SVEP1: variants seen among roughly 807,000 people sequenced by gnomAD.
The protein encoded by SVEP1 is sushi, von Willebrand factor type A, EGF and pentraxin domain containing 1.
Under a neutral mutation model 367.3 loss-of-function variants are expected in SVEP1, and 164 were observed. The ratio of observed to expected loss-of-function variants is 0.45; its 90% CI spans 0.39 to 0.51. SVEP1 has a LOEUF of 0.51. Among genes scored for constraint, SVEP1 ranks in the 20% least tolerant of loss-of-function variants. SVEP1 has a pLI of 0.00. For missense variants in SVEP1, 4,117 were observed against 4,425.3 expected (o/e 0.93, Z 1.98); for synonymous variants, 1,666 against 1,611.6 (o/e 1.03, Z -0.81).
At chr9:110,576,154 A>C (rs1395729434) in intron 1 of SVEP1, among the ~76,000 whole-genome samples, 2 of 152,174 alleles carry the variant, frequency 1.3e-5, no homozygotes, top group Non-Finnish European at 2.9e-5. Flanking sequence ...CCTTAAGGAA[A>C]TGATTAGAGA....
chr9:110,366,600 A>G lies in SVEP1; in HGVS notation c.10695-40T>C, dbSNP rs1171982645. On this transcript the variant is annotated intron_variant, in intron 47 of 47. Transcript: ENST00000374469. ...AAAAGCAACCAAATAGATTCAAAAG[A>G]AAAAATTGAACTGAAGAGCTAACAT... is the stretch of plus-strand genomic sequence containing the variant. 2.6e-6 allele frequency: 4 copies of G among 1,514,502 alleles called. No individual in the cohort carries two copies. In the South Asian group the frequency reaches 3.8e-5, roughly 14 times the overall value. The allele number at this position is 1,514,502 out of a possible 1,614,324, so 93.8% of individuals were successfully genotyped here.
At position 110,407,653 on chromosome 9, in the gene SVEP1, G is replaced by A. The variant is rs1827976447; in HGVS notation, c.7947C>T (p.His2649=). ...DMMEVPYVTP[H]PPYHLGAVAK... ...CCACTGCTCCCAAATGATAAGGAGG[G>A]TGAGGAGTCACATATGGAACTTCCA... Residue 2649 remains histidine, a synonymous_variant, in exon 38 of 48, where the codon CAC becomes CAT. Coordinates refer to ENST00000374469, the MANE Select transcript of SVEP1 (RefSeq NM_153366.4). 6.2e-7 allele frequency: 1 copy of A among 1,614,008 alleles called. No homozygotes were observed. The highest frequency in any genetic ancestry group is 1.1e-5 in the South Asian group (1 of 91,084).
At chr9:110,544,777 C>T (rs1020848609) in intron 3 of SVEP1, among the ~76,000 whole-genome samples, 14 of 151,986 alleles carry the variant, frequency 9.2e-5, no homozygotes, top group African/African-American at 2.2e-4. Context: ...TGGGAACATT[C>T]GAATCCTCTC....
rs138000061 is a variant in SVEP1 at position 110,438,048 on chromosome 9, T to C, written c.4640-1544A>G. The stretch of plus-strand genomic sequence containing the variant: ...TTTTTATTTTGTTTTAGTGTATGTG[T>C]ATGTATGTGTGAGGTATTTTAAAAC... On this transcript the variant is annotated intron_variant, in intron 27 of 47. Coordinates refer to ENST00000374469, the MANE Select transcript of SVEP1 (RefSeq NM_153366.4). Among the ~76,000 whole-genome samples, 931 of 152,256 alleles carry C rather than the reference T, an allele frequency of 6.1e-3. 7 individuals are homozygous for C. The highest frequency in any genetic ancestry group is 0.022 in the African/African-American group (896 of 41,552).
intron 1 of SVEP1, among the ~76,000 whole-genome samples, chr9:110,571,435 G>T (rs1246198526): frequency 6.6e-6 from 1 of 152,056 alleles, no homozygotes; most frequent in Non-Finnish European, 1.5e-5. Flanking sequence ...CTCCTTCTTG[G>T]CATTTGGAAA....
In SVEP1 at chr9:110,427,717, A is replaced by G; in HGVS notation, c.5849T>C (p.Ile1950Thr). ...PSIIECTASG[I>T]WDRAPPACHL... is the part of the protein sequence containing the mutation. Reference sequence around the variant, plus strand: ...ACAGGCAGGTGGCGCTCTGTCCCAGATGCCAGAAGCCGTGCATTCAATAAT... The same window carrying G: ...ACAGGCAGGTGGCGCTCTGTCCCAGGTGCCAGAAGCCGTGCATTCAATAAT... Residue 1950 changes from isoleucine to threonine, a missense_variant, in exon 36 of 48, where the codon ATC becomes ACC. Transcript: ENST00000374469. 6.2e-7 allele frequency: 1 copy of G among 1,613,770 alleles called. No homozygotes were observed. The highest frequency in any genetic ancestry group is 1.3e-5 in the African/African-American group (1 of 75,048).
intron 5 of SVEP1, among the ~76,000 whole-genome samples, chr9:110,510,728 G>A (rs1024132376): frequency 3.9e-5 from 6 of 152,206 alleles, no homozygotes; most frequent in Admixed American, 6.5e-5. Context: ...TCTTTGGAAG[G>A]CTACTGAGTG....
chr9:110,565,299 T>C (rs1219688807), intron 1 of SVEP1, among the ~76,000 whole-genome samples: 2 of 152,182 alleles, frequency 1.3e-5, no homozygotes, highest in Non-Finnish European at 2.9e-5. Context: ...AACTTAAGTG[T>C]AGGCTGAATG....
chr9:110,468,316 A>G (rs999071772), intron 17 of SVEP1, among the ~76,000 whole-genome samples: 27 of 152,178 alleles, frequency 1.8e-4, no homozygotes, highest in African/African-American at 5.8e-4. Flanking sequence ...TCTGTATACT[A>G]TTGTTTCATT....
At position 110,406,793 on chromosome 9, in the gene SVEP1, T is replaced by C. The variant is rs1288970405; in HGVS notation, c.8807A>G (p.Asn2936Ser). 1 of 1,614,050 alleles carries C rather than the reference T, an allele frequency of 6.2e-7. No homozygotes were observed. Reference protein sequence around the residue: ...APKLTCQSDGNWDAEIPLCKP... With the variant: ...APKLTCQSDGSWDAEIPLCKP... ...ACAGAGAGGAATCTCTGCATCCCAG[T>C]TGCCATCTGACTGACAGGTGAGTTT... The change falls in exon 38 of 48, where the codon AAC (asparagine) becomes AGC (serine). Residue 2936 changes from asparagine to serine, a missense_variant. Coordinates refer to ENST00000374469, the MANE Select transcript of SVEP1 (RefSeq NM_153366.4).
intron 46 of SVEP1, among the ~76,000 whole-genome samples, chr9:110,373,371 A>G (rs921900567): frequency 3.7e-4 from 56 of 152,192 alleles, no homozygotes; most frequent in African/African-American, 1.3e-3. Context: ...TGTCTGTAAC[A>G]GTACTTTTCA....
intron 8 of SVEP1, among the ~76,000 whole-genome samples, chr9:110,491,029 C>A (rs1829358501): frequency 6.6e-6 from 1 of 151,730 alleles, no homozygotes. Flanking sequence ...ATGATTTAAA[C>A]TATAATTTGG....
chr9:110,479,819 T>C (rs2118696036), intron 12 of SVEP1, 63 bp from the exon 13 acceptor site: 2 of 1,559,410 alleles, frequency 1.3e-6, no homozygotes, highest in South Asian at 1.2e-5. Flanking sequence ...GATTTGACTT[T>C]CTATGAAATA....
In SVEP1 at chr9:110,366,281, T is replaced by G; in HGVS notation, c.*258A>C. 2.7e-6 allele frequency: 1 copy of G among 368,164 alleles called. No individual in the cohort carries two copies. The highest frequency in any genetic ancestry group is 4.8e-6 in the Non-Finnish European group (1 of 208,574). The allele number at this position is 368,164 out of a possible 1,614,324, so 22.8% of individuals were successfully genotyped here. A position where few individuals can be genotyped will look rare whatever the true frequency, so the allele number is the denominator to read the frequency against. The stretch of plus-strand genomic sequence containing the variant: ...TAGACAGCAGAATATGTACATTTTG[T>G]GAGGGTAGAGCAGCATCTATTTAAT... On this transcript the variant is annotated 3_prime_UTR_variant, in exon 48 of 48. Transcript: ENST00000374469.
chr9:110,487,710 G>C (rs1829304505), intron 9 of SVEP1, among the ~76,000 whole-genome samples: 1 of 152,158 alleles, frequency 6.6e-6, no homozygotes, highest in Non-Finnish European at 1.5e-5. Flanking sequence ...TTGTCATCTA[G>C]CTTTCACACA....
chr9:110,533,658 T>C (rs1325104309), intron 3 of SVEP1, among the ~76,000 whole-genome samples: 3 of 152,162 alleles, frequency 2.0e-5, no homozygotes, highest in Admixed American at 6.5e-5. Flanking sequence ...TAGCACACTA[T>C]AAGGCACACC....
intron 1 of SVEP1, among the ~76,000 whole-genome samples, chr9:110,571,008 G>A (rs1588113393): frequency 7.9e-6 from 1 of 126,248 alleles, no homozygotes; most frequent in Admixed American, 9.4e-5. Context: ...GACAGGTCTT[G>A]CACTGTCGCC....
At chr9:110,542,996 T>A (rs1047922919) in intron 3 of SVEP1, among the ~76,000 whole-genome samples, 1 of 147,060 alleles carries the variant, frequency 6.8e-6, no homozygotes, top group Non-Finnish European at 1.5e-5. Flanking sequence ...ATATATAAAA[T>A]AAAAAAAATA....
At chr9:110,455,495 A>T (rs895745479) in intron 22 of SVEP1, 95 bp downstream of exon 22, 6 of 824,680 alleles carry the variant, frequency 7.3e-6, no homozygotes, top group Non-Finnish European at 1.1e-5. Context: ...AATATTCTAT[A>T]AATGTATCTT....
Sources: allele counts gnomAD v4.1 joint callset (sites outside exome capture counted in the v4.1 genomes callset), GRCh38; gene constraint gnomAD v4.1.1; transcripts MANE v1.5; gene names NCBI Gene and HGNC (gene_info 2026-07-23, HGNC 2026-07-21).